Variants in PRKN observed in about 807,000 individuals in gnomAD.
PRKN encodes E3 ubiquitin-protein ligase parkin.
A neutral mutation model predicts 59.5 loss-of-function variants in PRKN; 56 were observed. The ratio of observed to expected loss-of-function variants is 0.94; its 90% CI spans 0.76 to 1.18. The LOEUF (loss-of-function observed/expected upper bound fraction) is 1.18, where lower values mean the gene tolerates loss of function less well. Among genes scored for constraint, PRKN ranks in the 50% most tolerant of loss-of-function variants. The pLI is 0.00. For synonymous variants in PRKN, 250 were observed against 222.1 expected (o/e 1.13, Z -1.12); for missense variants, 657 against 596.4 (o/e 1.10, Z -1.06).
Position 161,545,320 on chromosome 6 carries a change from A to T in PRKN, c.1083+3534T>A. The T allele has an allele frequency of 6.3e-7, 1 of 1,583,678 alleles. No individual in the cohort carries two copies. On this transcript the variant is annotated intron_variant, in intron 9 of 11. Coordinates refer to ENST00000366898, the MANE Select transcript of PRKN (RefSeq NM_004562.3). This position sits in a 1 kb window ranked among gnomAD's most constrained non-coding sequence, Gnocchi z 4.1. ...TAATGACGTCTAGGGCTTTTTCCAC[A>T]TCTGGAACTCTGTAATTCTTCTATA...
In PRKN at chr6:161,372,660, C is replaced by G. The variant is rs539810477; in HGVS notation, c.1168-12455G>C. Among the ~76,000 whole-genome samples the G allele has an allele frequency of 1.4e-4, 21 of 152,196 alleles. No homozygotes were observed. Among genetic ancestry groups the G allele is most frequent in the African/African-American group, 4.6e-4 (19 of 41,524 alleles). On this transcript the variant is annotated intron_variant, in intron 10 of 11. Coordinates refer to ENST00000366898, the MANE Select transcript of PRKN (RefSeq NM_004562.3). The surrounding 1 kb of genome is among the most constrained non-coding windows in gnomAD (Gnocchi z 4.2). ...GGAAGCGCTTGTGCTGTGGCTCCCC[C>G]ACTACCCCTCTGGGTCTGAATCCAT...
intron 2 of PRKN, among the ~76,000 whole-genome samples, chr6:162,435,937 G>T (rs1230209672): frequency 6.6e-6 from 1 of 152,002 alleles, no homozygotes; most frequent in East Asian, 1.9e-4. Context: ...AAAAATCATG[G>T]TGGAAATGTA....
intron 9 of PRKN, among the ~76,000 whole-genome samples, chr6:161,408,066 C>A (rs1253937873): frequency 6.6e-6 from 1 of 152,172 alleles, no homozygotes; most frequent in African/African-American, 2.4e-5. Flanking sequence ...GGTCTCTTCA[C>A]ATGGACAGGC....
At chr6:161,850,092 C>T (rs1256083608) in intron 6 of PRKN, among the ~76,000 whole-genome samples, 1 of 152,120 alleles carries the variant, frequency 6.6e-6, no homozygotes, top group African/African-American at 2.4e-5. Context: ...GACGCTACTA[C>T]AAAGCTATGG....
At position 161,423,311 on chromosome 6, in the gene PRKN, G is replaced by C. The variant is rs1023941154; in HGVS notation, c.1084-36434C>G. On this transcript the variant is annotated intron_variant, in intron 9 of 11. Coordinates refer to ENST00000366898, the MANE Select transcript of PRKN (RefSeq NM_004562.3). This position sits in a 1 kb window ranked among gnomAD's most constrained non-coding sequence, Gnocchi z 5.9. ...CTCTCTGCTTTCTAATGTACATAGAGGTGTCTACATGCAAACGGATAGCAG... is the reference window on the plus strand; with the variant it reads ...CTCTCTGCTTTCTAATGTACATAGACGTGTCTACATGCAAACGGATAGCAG... Among the ~76,000 whole-genome samples the C allele has an allele frequency of 2.6e-5, 4 of 152,170 alleles. No homozygotes were observed. The highest frequency in any genetic ancestry group is 1.9e-4 in the East Asian group (1 of 5,200).
At chr6:162,320,962 A>C (rs1480514275) in intron 2 of PRKN, among the ~76,000 whole-genome samples, 2 of 151,878 alleles carry the variant, frequency 1.3e-5, no homozygotes, top group Non-Finnish European at 2.9e-5. Flanking sequence ...TTCCACCTTC[A>C]CAAACAAAAA....
chr6:162,658,118 T>A (rs796337557), intron 1 of PRKN, among the ~76,000 whole-genome samples: 5 of 152,302 alleles, frequency 3.3e-5, no homozygotes, highest in African/African-American at 1.2e-4. Context: ...TTTAACCAGA[T>A]GCACTTAAAA....
chr6:162,727,575 G>A (rs1057350942), intron 1 of PRKN, 87 bp downstream of exon 1: 26 of 1,380,384 alleles, frequency 1.9e-5, no homozygotes, highest in Middle Eastern at 1.8e-4. Context: ...TTGGCACCGG[G>A]GGTCCTGGTC....
At chr6:161,569,293 A>T in intron 8 of PRKN, 62 bp downstream of exon 8, 2 of 1,493,128 alleles carry the variant, frequency 1.3e-6, no homozygotes, top group Non-Finnish European at 1.9e-6. Flanking sequence ...GGGAGCCCAA[A>T]CTGTCTCATT....
chr6:161,658,023 AAAAAAAAAAAAG>A (rs1450528481), intron 7 of PRKN, among the ~76,000 whole-genome samples: 117 of 145,086 alleles, frequency 8.1e-4, no homozygotes, highest in African/African-American at 2.8e-3. Context: ...CTCAAAAAAA[AAAAAAAAAAAAG>A]AAAAGAAAAG....
intron 9 of PRKN, among the ~76,000 whole-genome samples, chr6:161,507,336 A>G (rs111376329): frequency 3.0e-4 from 46 of 152,288 alleles, no homozygotes; most frequent in African/African-American, 1.1e-3. Context: ...GCTCATCTCT[A>G]TGAAATGGAA....
chr6:161,713,478 T>G (rs1273599502), intron 7 of PRKN, among the ~76,000 whole-genome samples: 1 of 152,104 alleles, frequency 6.6e-6, no homozygotes, highest in Non-Finnish European at 1.5e-5. Flanking sequence ...AGCATAAACA[T>G]AAGAGTTATC....
In PRKN at chr6:161,368,225, G is replaced by A. The variant is rs547329935; in HGVS notation, c.1168-8020C>T. On this transcript the variant is annotated intron_variant, in intron 10 of 11. Transcript: ENST00000366898. Reference sequence around the variant, plus strand: ...GGTCAGGAGTTCAAGACCAGCCTGCGAAACATGGTGAAACCCTGTCTCTAC... The same window carrying A: ...GGTCAGGAGTTCAAGACCAGCCTGCAAAACATGGTGAAACCCTGTCTCTAC... Among the ~76,000 whole-genome samples the A allele has an allele frequency of 1.5e-4, 22 of 144,896 alleles. No individual in the cohort carries two copies. The South Asian group carries it at 3.9e-3, about 26-fold the overall frequency.
At chr6:162,035,998 C>A (rs975348787) in intron 5 of PRKN, among the ~76,000 whole-genome samples, 3 of 152,114 alleles carry the variant, frequency 2.0e-5, no homozygotes, top group Non-Finnish European at 4.4e-5. Flanking sequence ...AGAAGATCCT[C>A]CTAATAATGA....
rs577604541 is a variant in PRKN at position 162,335,801 on chromosome 6, C to A, written c.172-73036G>T. Among the ~76,000 whole-genome samples, 45 of 152,136 alleles carry A rather than the reference C, an allele frequency of 3.0e-4. 1 individual carries two copies. The highest frequency in any genetic ancestry group is 1.6e-3 in the Admixed American group (25 of 15,268). ...CTGCCATTCCTTCAGAGGTAGAGGGCTACACAACTGGTAAGTCCATGCCGA... is the reference window on the plus strand; with the variant it reads ...CTGCCATTCCTTCAGAGGTAGAGGGATACACAACTGGTAAGTCCATGCCGA... On this transcript the variant is annotated intron_variant, in intron 2 of 11. Coordinates refer to ENST00000366898, the MANE Select transcript of PRKN (RefSeq NM_004562.3).
At chr6:162,018,248 A>T (rs987356206) in intron 5 of PRKN, among the ~76,000 whole-genome samples, 1 of 152,030 alleles carries the variant, frequency 6.6e-6, no homozygotes, top group Non-Finnish European at 1.5e-5. Flanking sequence ...GGATGGTCTC[A>T]ATCTCCTGAC....
At position 161,957,416 on chromosome 6, in the gene PRKN, T is replaced by TG. The variant is rs1554254416; in HGVS notation, c.734+15885_734+15886insC. ...TTTTTTGTTGTTCTTGTTGTTTTTTTTTTGTTTGTTTGTTTGTTTGTTTTT... is the reference window on the plus strand; with the variant it reads ...TTTTTTGTTGTTCTTGTTGTTTTTTTGTTTGTTTGTTTGTTTGTTTGTTTTT... On this transcript the variant is annotated intron_variant, in intron 6 of 11. Transcript: ENST00000366898. 1.5e-3 allele frequency among the ~76,000 whole-genome samples: 188 copies of TG among 126,374 alleles called. 2 individuals are homozygous for TG. Among genetic ancestry groups the TG allele is most frequent in the African/African-American group, 5.7e-3 (166 of 29,212 alleles). The allele number at this position is 126,374 out of a possible 152,430, so 82.9% of individuals were successfully genotyped here.
At chr6:161,750,144 T>TATACATATAC (rs147174982) in intron 7 of PRKN, among the ~76,000 whole-genome samples, 59 of 145,794 alleles carry the variant, frequency 4.0e-4, no homozygotes, top group Non-Finnish European at 7.0e-4. Flanking sequence ...CACACACACA[T>TATACATATAC]ATATAAATTA....
At chr6:161,415,202 T>C (rs1787781160) in intron 9 of PRKN, among the ~76,000 whole-genome samples, 1 of 152,134 alleles carries the variant, frequency 6.6e-6, no homozygotes, top group Non-Finnish European at 1.5e-5. Context: ...TCAGACCCAG[T>C]AACAACTTAC....
Sources: gnomAD v4.1 joint callset for allele counts (sites outside exome capture counted in the v4.1 genomes callset) on GRCh38, gnomAD v4.1.1 for gene constraint, Gnocchi (gnomAD v3.1) non-coding constraint, MANE v1.5 for transcripts, NCBI Gene and HGNC (gene_info 2026-07-23, HGNC 2026-07-21) for gene names.